The following UGT2A1 variants were observed in gnomAD, a reference collection of about 807,000 sequenced individuals.
UGT2A1 encodes the protein UDP-glucuronosyltransferase 2A1.
Under a neutral mutation model 45.4 loss-of-function variants are expected in UGT2A1, and 61 were observed. The observed-to-expected ratio is 1.34, with a 90% CI of 1.09 to 1.66. UGT2A1 has a LOEUF of 1.66. Ranked by LOEUF, UGT2A1 falls within the 40% of genes most tolerant of loss-of-function variation. UGT2A1 has a pLI of 0.00. For missense variants in UGT2A1, 649 were observed against 574.3 expected (o/e 1.13, Z -1.33); for synonymous variants, 229 against 196.2 (o/e 1.17, Z -1.40).
At chr4:69,615,242 A>G (rs1199013418) in intron 3 of UGT2A1, among the ~76,000 whole-genome samples, 1 of 152,048 alleles carries the variant, frequency 6.6e-6, no homozygotes, top group East Asian at 1.9e-4. Flanking sequence ...AATCTTTCTA[A>G]TCTTTAAGTT....
chr4:69,639,196 G>C, intron 2 of UGT2A1: 1 of 1,613,678 alleles, frequency 6.2e-7, no homozygotes, highest in Non-Finnish European at 8.5e-7. Context: ...CCACCTTTCT[G>C]AAGTCTTGCC....
At chr4:69,594,890 A>G (rs1718826214) in intron 5 of UGT2A1, among the ~76,000 whole-genome samples, 194 bp from the exon 6 acceptor site, 1 of 152,188 alleles carries the variant, frequency 6.6e-6, no homozygotes, top group East Asian at 1.9e-4. Flanking sequence ...CAGCATTTGC[A>G]TTTTCTGGGA....
chr4:69,600,953 C>A (rs1336092584), intron 3 of UGT2A1, among the ~76,000 whole-genome samples: 1 of 152,088 alleles, frequency 6.6e-6, no homozygotes, highest in East Asian at 1.9e-4. Flanking sequence ...TTGGGGATCA[C>A]AATTTGACAT....
At chr4:69,603,964 G>T (rs1490923344) in intron 3 of UGT2A1, among the ~76,000 whole-genome samples, 5 of 136,722 alleles carry the variant, frequency 3.7e-5, no homozygotes, top group Non-Finnish European at 7.8e-5. Context: ...AAGTGATGGG[G>T]AGAATGGAAC....
In UGT2A1 at chr4:69,589,549, T is replaced by A. The variant is rs757489284; in HGVS notation, c.1407A>T (p.Lys469Asn). 8 of 1,614,104 alleles carry A rather than the reference T, an allele frequency of 5.0e-6. No homozygotes were observed. In the East Asian group the frequency reaches 1.6e-4, roughly 31 times the overall value. The part of the protein sequence containing the change: ...VFWIEFVMRH[K>N]GAKHLRVAAH... Reference sequence around the variant, plus strand: ...CTGCAACCCGAAGGTGCTTGGCTCCTTTGTGGCGCATGACAAACTCGATCC... The same window carrying A: ...CTGCAACCCGAAGGTGCTTGGCTCCATTGTGGCGCATGACAAACTCGATCC... Residue 469 changes from lysine (K) to asparagine (N), a missense_variant, in exon 7 of 7, where the codon AAA (lysine) becomes AAT (asparagine). Transcript: ENST00000286604.
chr4:69,625,508 A>G (rs1721004980), intron 3 of UGT2A1, among the ~76,000 whole-genome samples: 2 of 151,128 alleles, frequency 1.3e-5, no homozygotes, highest in Admixed American at 1.3e-4. Flanking sequence ...ATATCTTTAA[A>G]TTCTTTTTTT....
chr4:69,651,120 T>C (rs1226339038), intron 1 of UGT2A1, among the ~76,000 whole-genome samples: 2 of 152,220 alleles, frequency 1.3e-5, no homozygotes, highest in African/African-American at 4.8e-5. Flanking sequence ...AAAAAATTTC[T>C]CACACTAGTG....
intron 1 of UGT2A1, among the ~76,000 whole-genome samples, chr4:69,652,262 C>A (rs375684611): frequency 7.1e-6 from 1 of 140,058 alleles, no homozygotes; most frequent in East Asian, 2.1e-4. Context: ...ACAGCATTTT[C>A]TTTAGAAAAA....
chr4:69,618,217 A>G (rs75876192), intron 3 of UGT2A1, among the ~76,000 whole-genome samples: 46,742 of 97,192 alleles, frequency 0.48, 7,814 homozygotes, highest in Middle Eastern at 0.52. Context: ...GTGTGTGTGT[A>G]TGTTTGTGTG....
intron 3 of UGT2A1, among the ~76,000 whole-genome samples, chr4:69,623,146 G>C (rs1260670534): frequency 6.6e-6 from 1 of 151,682 alleles, no homozygotes; most frequent in Non-Finnish European, 1.5e-5. Context: ...TGTTGATTTG[G>C]CACAAGCTAG....
intron 1 of UGT2A1, among the ~76,000 whole-genome samples, chr4:69,651,751 A>C (rs1182088127): frequency 1.3e-5 from 2 of 152,186 alleles, no homozygotes; most frequent in Non-Finnish European, 2.9e-5. Flanking sequence ...GGGCACGTGC[A>C]TTAAGAGACA....
chr4:69,651,097 TATG>T (rs1227968261), intron 1 of UGT2A1, among the ~76,000 whole-genome samples: 1 of 152,062 alleles, frequency 6.6e-6, no homozygotes, highest in Non-Finnish European at 1.5e-5. Flanking sequence ...ACCTCAGAAA[TATG>T]ATCAGTATTA....
rs552469106 is a variant in UGT2A1 at position 69,589,271 on chromosome 4, G to A, written c.*101C>T. 90 of 1,366,626 alleles carry A rather than the reference G, an allele frequency of 6.6e-5. No homozygotes were observed. In the African/African-American group the frequency reaches 1.3e-3, roughly 19 times the overall value. The allele number at this position is 1,366,626 out of a possible 1,614,324, so 84.7% of individuals were successfully genotyped here. ...TAGAAAATTTGGAAACAGGATGGGA[G>A]ACGTGTTTTTGTTAAACTCCTTTTG... is the stretch of plus-strand genomic sequence containing the variant. On this transcript the variant is annotated 3_prime_UTR_variant, in exon 7 of 7. Coordinates refer to ENST00000286604, the MANE Select transcript of UGT2A1 (RefSeq NM_001252275.3).
At chr4:69,619,148 A>G (rs1206201715) in intron 3 of UGT2A1, among the ~76,000 whole-genome samples, 2 of 151,998 alleles carry the variant, frequency 1.3e-5, no homozygotes, top group African/African-American at 4.8e-5. Context: ...CTACAATCCC[A>G]GTACTTTGGT....
At chr4:69,646,278 T>A (rs1722254684) in intron 2 of UGT2A1, among the ~76,000 whole-genome samples, 1 of 151,796 alleles carries the variant, frequency 6.6e-6, no homozygotes, top group Non-Finnish European at 1.5e-5. Context: ...TAGACAAATA[T>A]GTGTATAAAT....
At chr4:69,646,818 A>G (rs1722280468) in intron 2 of UGT2A1, 112 bp downstream of exon 2, 6 of 707,220 alleles carry the variant, frequency 8.5e-6, no homozygotes, top group Non-Finnish European at 1.4e-5. Flanking sequence ...AGTAATATAT[A>G]GTACATCAAT....
intron 3 of UGT2A1, among the ~76,000 whole-genome samples, chr4:69,634,916 G>A (rs181321231): frequency 4.6e-4 from 70 of 152,126 alleles, no homozygotes; most frequent in Admixed American, 5.9e-4. Context: ...CTCATTAACT[G>A]TTAAGAGATT....
At chr4:69,646,902 A>G (rs934729057) in intron 2 of UGT2A1, 28 bp downstream of exon 2, 3 of 1,492,598 alleles carry the variant, frequency 2.0e-6, no homozygotes, top group Non-Finnish European at 2.7e-6. Context: ...TTCAAATTCA[A>G]GTAATAAAAA....
intron 2 of UGT2A1, among the ~76,000 whole-genome samples, chr4:69,645,638 A>G (rs573100684): frequency 1.3e-5 from 2 of 151,842 alleles, no homozygotes; most frequent in South Asian, 2.1e-4. Flanking sequence ...TCTCAACTCT[A>G]CTGCCACATC....
Sources: allele counts gnomAD v4.1 joint callset (sites outside exome capture counted in the v4.1 genomes callset), GRCh38; gene constraint gnomAD v4.1.1; transcripts MANE v1.5; gene names NCBI Gene and HGNC (gene_info 2026-07-23, HGNC 2026-07-21).